TOR1B: variants seen among roughly 807,000 people sequenced by gnomAD.
TOR1B encodes the protein torsin-1B.
A neutral mutation model predicts 29.2 loss-of-function variants in TOR1B; 14 were observed. The observed-to-expected ratio is 0.48, with a 90% confidence interval of 0.32 to 0.75. The LOEUF (loss-of-function observed/expected upper bound fraction) is 0.75, where lower values mean the gene tolerates loss of function less well. Among genes scored for constraint, TOR1B ranks in the 30% least tolerant of loss-of-function variants. The pLI is 0.04. For missense variants in TOR1B, 400 were observed against 433.9 expected, an observed-to-expected ratio of 0.92 and a Z score of 0.69; for synonymous variants, 166 against 179.8, an observed-to-expected ratio of 0.92 and a Z score of 0.62.
chr9:129,808,874 A>AT (rs1447957633), intron 3 of TOR1B, 31 bp from the exon 4 acceptor site: 3 of 1,612,032 alleles, frequency 1.9e-6, no homozygotes, highest in Admixed American at 1.7e-5. Flanking sequence ...TTAATATGTG[A>AT]TTTTAATCTT....
Position 129,804,519 on chromosome 9 carries a change from T to C in TOR1B, c.465+181T>C, listed in dbSNP as rs954186350. Reference sequence around the variant, plus strand: ...CTCCTACAACATTTCTCTTACTTGGTTCCAAAACAGTCCAGTGGGGTAGGG... The same window carrying C: ...CTCCTACAACATTTCTCTTACTTGGCTCCAAAACAGTCCAGTGGGGTAGGG... On this transcript the variant is annotated intron_variant, in intron 2 of 4. Transcript: ENST00000259339. The C allele has an allele frequency of 3.9e-6, 3 of 772,908 alleles. No homozygotes were observed. The South Asian group carries it at 5.6e-5, about 15-fold the overall frequency. The allele number at this position is 772,908 out of a possible 1,614,324, so 47.9% of individuals were successfully genotyped here. A position where few individuals can be genotyped will look rare whatever the true frequency, so the allele number is the denominator to read the frequency against.
Position 129,810,289 on chromosome 9 carries a change from C to A in TOR1B, c.*706C>A. 7.7e-7 allele frequency: 1 copy of A among 1,295,684 alleles called. No individual in the cohort carries two copies. The highest frequency in any genetic ancestry group is 1.0e-6 in the Non-Finnish European group (1 of 987,674). 80.3% of individuals were successfully genotyped at this position (1,295,684 alleles called of 1,614,324 possible). On this transcript the variant is annotated 3_prime_UTR_variant, in exon 5 of 5. Transcript: ENST00000259339. ...GCTGGAGGTGCAGACGGTGTCTGAC[C>A]GGAGGATGTGGCCGTGCCCGCCGAG... is the stretch of plus-strand genomic sequence containing the variant.
intron 3 of TOR1B, among the ~76,000 whole-genome samples, chr9:129,808,653 G>A (rs577420643): frequency 4.2e-5 from 6 of 141,360 alleles, no homozygotes; most frequent in Admixed American, 3.1e-4. Flanking sequence ...GGATTCAAAC[G>A]ATTCTCCCAC....
rs551334475 is a variant in TOR1B, at chr9:129,809,944, C to A, written c.*361C>A. 8.8e-5 allele frequency: 104 copies of A among 1,188,420 alleles called. No homozygotes were observed. The highest frequency in any genetic ancestry group is 3.8e-4 in the Middle Eastern group (1 of 2,612). The allele number at this position is 1,188,420 out of a possible 1,614,324, so 73.6% of individuals were successfully genotyped here. On this transcript the variant is annotated 3_prime_UTR_variant, in exon 5 of 5. Coordinates refer to ENST00000259339, the MANE Select transcript of TOR1B (RefSeq NM_014506.3). ...CATTTGTCATTTAGCAAGATGGCAG[C>A]AGTCCAGCTGTTCTTTGCAGCTGGA...
rs1427545695 is a variant in TOR1B at position 129,811,011 on chromosome 9, C to CT, written c.*1429dup. 1 of 152,078 alleles carries CT rather than the reference C, an allele frequency of 6.6e-6. No homozygotes were observed. The highest frequency in any genetic ancestry group is 1.5e-5 in the Non-Finnish European group (1 of 68,024). 9.4% of individuals were successfully genotyped at this position (152,078 alleles called of 1,614,324 possible). On this transcript the variant is annotated 3_prime_UTR_variant, in exon 5 of 5. Coordinates refer to ENST00000259339, the MANE Select transcript of TOR1B (RefSeq NM_014506.3). ...TTCCAGCCAGTGTGAATCATTGTAT[C>CT]TGTCTCATAATCACAGCACAGCTGC...
At chr9:129,808,516 AT>A (rs991967537) in intron 3 of TOR1B, among the ~76,000 whole-genome samples, 1 of 138,644 alleles carries the variant, frequency 7.2e-6, no homozygotes, top group Non-Finnish European at 1.6e-5. Context: ...CTTAGAGCAG[AT>A]TCATTTCTTG....
At chr9:129,806,481 G>C (rs1014658639) in intron 2 of TOR1B, among the ~76,000 whole-genome samples, 1 of 152,176 alleles carries the variant, frequency 6.6e-6, no homozygotes, top group Non-Finnish European at 1.5e-5. Flanking sequence ...ACTGTGTACT[G>C]TGCAGGTCTT....
chr9:129,809,280 G>A lies in TOR1B; in HGVS notation c.770-62G>A, dbSNP rs2030702809. On this transcript the variant is annotated intron_variant, in intron 4 of 4. Transcript: ENST00000259339. ...GGACATGAGGAATGTGCTGAGGGTC[G>A]GGACTGGAGCTTGGCCAGGTGGCGG... 12 of 1,607,752 alleles carry A rather than the reference G, an allele frequency of 7.5e-6. No individual in the cohort carries two copies. In the Admixed American group the frequency reaches 1.0e-4, roughly 13 times the overall value.
At chr9:129,806,172 T>C (rs1013543050) in intron 2 of TOR1B, among the ~76,000 whole-genome samples, 12 of 147,344 alleles carry the variant, frequency 8.1e-5, no homozygotes, top group Admixed American at 6.7e-4. Flanking sequence ...AAGAAAGAAA[T>C]AGAAACTTAA....
rs1197285921 is a variant in TOR1B, at chr9:129,804,033, A to C, written c.200-40A>C. Reference sequence around the variant, plus strand: ...AGTGCTGCGTTGCTGATGCATTTTTAAGGTCTGTTTCTCTCTTTGTTCTGG... The same window carrying C: ...AGTGCTGCGTTGCTGATGCATTTTTCAGGTCTGTTTCTCTCTTTGTTCTGG... On this transcript the variant is annotated intron_variant, in intron 1 of 4. Coordinates refer to ENST00000259339, the MANE Select transcript of TOR1B (RefSeq NM_014506.3). 3 of 1,607,562 alleles carry C rather than the reference A, an allele frequency of 1.9e-6. No individual in the cohort carries two copies. In the East Asian group the frequency reaches 6.7e-5, roughly 36 times the overall value.
chr9:129,803,643 C>T (rs1411713371), intron 1 of TOR1B, among the ~76,000 whole-genome samples: 3 of 152,228 alleles, frequency 2.0e-5, no homozygotes, highest in Admixed American at 6.5e-5. Flanking sequence ...GCCCCAGCGC[C>T]TTTCTAAAGC....
At chr9:129,808,543 C>CT (rs763409733) in intron 3 of TOR1B, among the ~76,000 whole-genome samples, 12,014 of 77,836 alleles carry the variant, frequency 0.15, 1,264 homozygotes, top group Non-Finnish European at 0.21. Context: ...ACACAGAAGT[C>CT]TTTTTTTTTT....
chr9:129,805,861 ATTAAG>A (rs1301422460), intron 2 of TOR1B, among the ~76,000 whole-genome samples: 3 of 152,182 alleles, frequency 2.0e-5, no homozygotes, highest in Admixed American at 2.0e-4. Context: ...TTCATTTTAT[ATTAAG>A]TTGTCTAGGA....
rs2030425872 is a variant in TOR1B, at chr9:129,805,437, A to C, written c.465+1099A>C. Among the ~76,000 whole-genome samples the C allele has an allele frequency of 2.0e-5, 3 of 152,290 alleles. No homozygotes were observed. The South Asian group carries it at 6.2e-4, about 32-fold the overall frequency. On this transcript the variant is annotated intron_variant, in intron 2 of 4. Coordinates refer to ENST00000259339, the MANE Select transcript of TOR1B (RefSeq NM_014506.3). ...ACTCTGTCTCAAAAAAAAAGAAAAA[A>C]AAAAAAGATGGAGCCTGGAGCCCAG...
chr9:129,804,564 G>C, intron 2 of TOR1B: 2 of 563,944 alleles, frequency 3.5e-6, no homozygotes, highest in South Asian at 5.2e-5. Context: ...TCCATTAAAA[G>C]ATGGGGAGCC....
intron 3 of TOR1B, among the ~76,000 whole-genome samples, chr9:129,808,207 T>C (rs777446070): frequency 6.6e-6 from 1 of 151,982 alleles, no homozygotes; most frequent in Non-Finnish European, 1.5e-5. Flanking sequence ...TGATGAAAAA[T>C]AGATCTTCGG....
chr9:129,810,278 C>T lies in TOR1B; in HGVS notation c.*695C>T, dbSNP rs746665295. On this transcript the variant is annotated 3_prime_UTR_variant, in exon 5 of 5. Coordinates refer to ENST00000259339, the MANE Select transcript of TOR1B (RefSeq NM_014506.3). ...TTAAAATCGGGGCTGGAGGTGCAGA[C>T]GGTGTCTGACCGGAGGATGTGGCCG... The T allele has an allele frequency of 2.2e-5, 28 of 1,300,408 alleles. No individual in the cohort carries two copies. The East Asian group carries it at 3.9e-4, about 18-fold the overall frequency. The allele number at this position is 1,300,408 out of a possible 1,614,324, so 80.6% of individuals were successfully genotyped here. A position where few individuals can be genotyped will look rare whatever the true frequency, so the allele number is the denominator to read the frequency against.
chr9:129,804,913 C>T (rs957467889), intron 2 of TOR1B, among the ~76,000 whole-genome samples: 24 of 141,552 alleles, frequency 1.7e-4, no homozygotes, highest in Non-Finnish European at 3.2e-4. Context: ...CCGAGGGGGG[C>T]GGATCACGAG....
At chr9:129,806,630 A>C (rs1312523519) in intron 2 of TOR1B, among the ~76,000 whole-genome samples, 1 of 152,136 alleles carries the variant, frequency 6.6e-6, no homozygotes, top group Non-Finnish European at 1.5e-5. Context: ...TAATCTCAGC[A>C]CTTTGGGAGG....
Sources: allele counts gnomAD v4.1 joint callset (sites outside exome capture counted in the v4.1 genomes callset), GRCh38; gene constraint gnomAD v4.1.1; transcripts MANE v1.5; gene names NCBI Gene and HGNC (gene_info 2026-07-23, HGNC 2026-07-21).